The following NEK4 variants were observed in gnomAD, a reference collection of about 807,000 sequenced individuals.
NEK4 encodes the protein NIMA related kinase 4.
NEK4 carries 86 observed loss-of-function variants against 98.4 expected under a neutral mutation model. The ratio of observed to expected loss-of-function variants is 0.87; its 90% CI spans 0.73 to 1.05. The LOEUF (loss-of-function observed/expected upper bound fraction) is 1.05, where lower values mean the gene tolerates loss of function less well. NEK4 is among the 50% of genes least tolerant of loss of function. The probability of loss-of-function intolerance (pLI) is 0.00; values close to 1 mark genes in which losing one functional copy is unlikely to be tolerated. For synonymous variants in NEK4, 328 were observed against 342.2 expected (o/e 0.96, Z 0.46); for missense variants, 898 against 950.3 (o/e 0.94, Z 0.72).
intron 12 of NEK4, 143 bp downstream of exon 12, chr3:52,743,209 G>A (rs2097389682): frequency 1.5e-6 from 1 of 666,388 alleles, no homozygotes; most frequent in Non-Finnish European, 2.7e-6. Context: ...TTATTTACCA[G>A]TTCCTTTCTT....
At chr3:52,714,558 G>T (rs1267201051) in intron 15 of NEK4, among the ~76,000 whole-genome samples, 1 of 152,206 alleles carries the variant, frequency 6.6e-6, no homozygotes, top group Non-Finnish European at 1.5e-5. Context: ...CAGCTGTGGG[G>T]AGGGCAAGGG....
chr3:52,757,669 A>G (rs2154105943), intron 6 of NEK4, among the ~76,000 whole-genome samples: 1 of 152,348 alleles, frequency 6.6e-6, no homozygotes, highest in Middle Eastern at 3.4e-3. Flanking sequence ...ACACAAATGT[A>G]CATCTGCAGA....
At chr3:52,740,884 T>C (rs1476799453) in intron 13 of NEK4, among the ~76,000 whole-genome samples, 1 of 151,714 alleles carries the variant, frequency 6.6e-6, no homozygotes, top group Non-Finnish European at 1.5e-5. Context: ...GAGCCTAATA[T>C]ACATGTAATT....
chr3:52,765,962 A>G lies in NEK4; in HGVS notation c.591T>C (p.Tyr197=), dbSNP rs761177016. 5 of 1,612,530 alleles carry G rather than the reference A, an allele frequency of 3.1e-6. No individual in the cohort carries two copies. Among genetic ancestry groups the G allele is most frequent in the Non-Finnish European group, 4.2e-6 (5 of 1,178,648 alleles). Reference sequence around the variant, plus strand: ...AAGCATGCTTCAAGGTGGCCATTTCATAGACACAGCATCCTAGAGCCCAAA... The same window carrying G: ...AAGCATGCTTCAAGGTGGCCATTTCGTAGACACAGCATCCTAGAGCCCAAA... ...SDVWALGCCV[Y]EMATLKHAFN... is the part of the protein sequence containing the mutation. The change falls in exon 4 of 16, where the codon TAT becomes TAC. Residue 197 remains tyrosine (Y), a synonymous_variant. Transcript: ENST00000233027.
chr3:52,768,658 C>T, intron 1 of NEK4, 54 bp from the exon 2 acceptor site: 1 of 1,565,794 alleles, frequency 6.4e-7, no homozygotes, highest in South Asian at 1.1e-5. Flanking sequence ...AGATTTGTGG[C>T]CTCAGAGTTA....
intron 15 of NEK4, among the ~76,000 whole-genome samples, chr3:52,728,061 T>C (rs2097366217): frequency 6.6e-6 from 1 of 152,110 alleles, no homozygotes; most frequent in Admixed American, 6.6e-5. Context: ...AGACAGACCT[T>C]GTTTCTACAA....
chr3:52,733,204 G>A (rs2097371581), intron 15 of NEK4: 1 of 227,652 alleles, frequency 4.4e-6, no homozygotes, highest in Non-Finnish European at 9.3e-6. Context: ...TACAAATGCA[G>A]TAATGTGGCA....
At chr3:52,715,726 T>C (rs962177273) in intron 15 of NEK4, among the ~76,000 whole-genome samples, 5 of 152,236 alleles carry the variant, frequency 3.3e-5, no homozygotes, top group African/African-American at 1.2e-4. Flanking sequence ...TTCCTCTTGC[T>C]TACCCTGTAT....
At chr3:52,764,679 T>C (rs574750939) in intron 4 of NEK4, among the ~76,000 whole-genome samples, 17 of 151,716 alleles carry the variant, frequency 1.1e-4, no homozygotes, top group African/African-American at 2.7e-4. Context: ...GTGTTCCTCA[T>C]ATATTAAGTC....
chr3:52,729,479 T>C (rs2097367568), intron 15 of NEK4, among the ~76,000 whole-genome samples: 2 of 151,770 alleles, frequency 1.3e-5, no homozygotes, highest in South Asian at 4.2e-4. Flanking sequence ...AAGGCCAAGG[T>C]GGGTGGATCA....
At chr3:52,752,769 G>C (rs1376657828) in intron 6 of NEK4, among the ~76,000 whole-genome samples, 4 of 150,042 alleles carry the variant, frequency 2.7e-5, no homozygotes, top group Non-Finnish European at 5.9e-5. Context: ...GTGTGGTGGT[G>C]CATGTCTGTA....
At chr3:52,731,779 C>T (rs2097369908) in intron 15 of NEK4, among the ~76,000 whole-genome samples, 1 of 152,176 alleles carries the variant, frequency 6.6e-6, no homozygotes, top group Non-Finnish European at 1.5e-5. Context: ...CCTCGTCCTC[C>T]GAAAGTATGG....
At chr3:52,749,939 G>A (rs1452347952) in intron 7 of NEK4, 110 bp from the exon 8 acceptor site, 1 of 153,222 alleles carries the variant, frequency 6.5e-6, no homozygotes, top group Non-Finnish European at 1.5e-5. Context: ...TCAAAACAAT[G>A]AACAGTAACG....
rs1426441727 is a variant in NEK4, at chr3:52,711,084, T to C, written c.*693A>G. The C allele has an allele frequency of 6.5e-6, 1 of 152,674 alleles. No individual in the cohort carries two copies. The highest frequency in any genetic ancestry group is 2.4e-5 in the African/African-American group (1 of 41,466). 9.5% of individuals were successfully genotyped at this position (152,674 alleles called of 1,614,324 possible). A position where few individuals can be genotyped will look rare whatever the true frequency, so the allele number is the denominator to read the frequency against. On this transcript the variant is annotated 3_prime_UTR_variant, in exon 16 of 16. Transcript: ENST00000233027. ...ATGAAATTTGTGTTTAAGAAATGTT[T>C]TCACTGATGGAAAAATAAATCTAAC...
intron 15 of NEK4, among the ~76,000 whole-genome samples, chr3:52,712,188 T>C (rs1406341891): frequency 6.6e-5 from 10 of 152,214 alleles, no homozygotes; most frequent in Admixed American, 6.5e-4. Context: ...ATCAATTTCA[T>C]AGATAATTCA....
intron 15 of NEK4, among the ~76,000 whole-genome samples, chr3:52,734,478 TC>T (rs1286138305): frequency 4.4e-5 from 6 of 135,396 alleles, no homozygotes; most frequent in African/African-American, 1.6e-4. Flanking sequence ...ATCGAGACCA[TC>T]CTGGCCAACA....
chr3:52,766,459 G>T, intron 2 of NEK4, 84 bp from the exon 3 acceptor site: 1 of 973,658 alleles, frequency 1.0e-6, no homozygotes, highest in Non-Finnish European at 1.6e-6. Flanking sequence ...CATCAGCAAT[G>T]GCATGAGTTA....
Position 52,739,409 on chromosome 3 carries a change from A to G in NEK4, c.2299+20T>C. 4 of 1,608,978 alleles carry G rather than the reference A, an allele frequency of 2.5e-6. No homozygotes were observed. The highest frequency in any genetic ancestry group is 3.4e-6 in the Non-Finnish European group (4 of 1,175,648). On this transcript the variant is annotated intron_variant, in intron 14 of 15. Coordinates refer to ENST00000233027, the MANE Select transcript of NEK4 (RefSeq NM_003157.6). Reference sequence around the variant, plus strand: ...GTGAGACTCCGTCTAAAAAACAAAAAATAATAATAAGCTGATCACCTGAAG... The same window carrying G: ...GTGAGACTCCGTCTAAAAAACAAAAGATAATAATAAGCTGATCACCTGAAG...
intron 15 of NEK4, 69 bp downstream of exon 15, chr3:52,737,517 T>C (rs554573639): frequency 1.3e-6 from 2 of 1,524,136 alleles, no homozygotes; most frequent in Non-Finnish European, 1.8e-6. Context: ...ATGTGTGATT[T>C]ATATTTCAAA....
Sources: allele counts gnomAD v4.1 joint callset (sites outside exome capture counted in the v4.1 genomes callset), GRCh38; gene constraint gnomAD v4.1.1; transcripts MANE v1.5; gene names NCBI Gene and HGNC (gene_info 2026-07-23, HGNC 2026-07-21).